C19orf38: variants seen among roughly 807,000 people sequenced by gnomAD.
The protein encoded by C19orf38 is chromosome 19 open reading frame 38, also known as protein HIDE1.
Under a neutral mutation model 26.6 loss-of-function variants are expected in C19orf38, and 14 were observed. The ratio of observed to expected loss-of-function variants is 0.53; its 90% CI spans 0.35 to 0.82. The LOEUF (loss-of-function observed/expected upper bound fraction) is 0.82, where lower values mean the gene tolerates loss of function less well. Among genes scored for constraint, C19orf38 ranks in the 40% least tolerant of loss-of-function variants. The pLI is 0.01. For missense variants in C19orf38, 261 were observed against 299.5 expected, an observed-to-expected ratio of 0.87 and a Z score of 0.95; for synonymous variants, 132 against 128.5, an observed-to-expected ratio of 1.03 and a Z score of -0.18.
intron 6 of C19orf38, among the ~76,000 whole-genome samples, chr19:10,866,609 C>T (rs1185143594): frequency 6.6e-6 from 1 of 151,896 alleles, no homozygotes; most frequent in African/African-American, 2.4e-5. Flanking sequence ...TCTCAGCTTC[C>T]CGAGTAGCTT....
At chr19:10,859,342 GTGTGTGTATATATATATATATATA>G (rs2073668014) in intron 4 of C19orf38, among the ~76,000 whole-genome samples, 1 of 52,950 alleles carries the variant, frequency 1.9e-5, no homozygotes, top group South Asian at 6.4e-4. Flanking sequence ...GTGTGTGTGT[GTGTGTGTATATATATATATATATA>G]TATATATATA....
chr19:10,863,913 AAAAC>A (rs537664952), intron 6 of C19orf38, among the ~76,000 whole-genome samples: 21 of 152,188 alleles, frequency 1.4e-4, no homozygotes, highest in Non-Finnish European at 2.6e-4. Flanking sequence ...AACTCCATCT[AAAAC>A]AAACAAACAG....
chr19:10,863,152 T>C lies in C19orf38; in HGVS notation c.506-18T>C. 6.4e-7 allele frequency: 1 copy of C among 1,550,900 alleles called. No individual in the cohort carries two copies. Among genetic ancestry groups the C allele is most frequent in the Non-Finnish European group, 8.7e-7 (1 of 1,146,336 alleles). On this transcript the variant is annotated intron_variant, in intron 5 of 6. Transcript: ENST00000397820. Reference sequence around the variant, plus strand: ...AACTGGCCCCCAATCCTGGGTTTTCTTTCTCTTTCTGTTTCAGACATGTCC... The same window carrying C: ...AACTGGCCCCCAATCCTGGGTTTTCCTTCTCTTTCTGTTTCAGACATGTCC...
chr19:10,850,589 T>A, intron 2 of C19orf38, 22 bp downstream of exon 2: 1 of 1,550,196 alleles, frequency 6.5e-7, no homozygotes. Flanking sequence ...CTATGGGATC[T>A]CACTGCCGGG....
chr19:10,853,214 C>T (rs2073590686), intron 2 of C19orf38, among the ~76,000 whole-genome samples: 1 of 151,918 alleles, frequency 6.6e-6, no homozygotes, highest in Non-Finnish European at 1.5e-5. Flanking sequence ...AGCCGTGCAC[C>T]ACCACGCCTG....
intron 6 of C19orf38, among the ~76,000 whole-genome samples, chr19:10,867,340 C>T (rs531713839): frequency 1.4e-3 from 206 of 151,316 alleles, no homozygotes; most frequent in African/African-American, 4.7e-3. Flanking sequence ...CACGGTAGCA[C>T]ATGCCTATAA....
At position 10,859,929 on chromosome 19, in the gene C19orf38, G is replaced by C. The variant is rs2073679190; in HGVS notation, c.476G>C (p.Cys159Ser). ...NLQKKRDRES[C>S]WAQINFDSTD... ...TTCCTTTGCAGAGATCGAGAATCCT[G>C]CTGGGCCCAGATTAACTTCGACAGC... Residue 159 changes from cysteine to serine, a missense_variant, in exon 5 of 7, where the codon TGC becomes TCC. Physicochemically the swap from Cys to Ser is moderately radical, Grantham distance 112. Transcript: ENST00000397820. 1.3e-6 allele frequency: 2 copies of C among 1,551,922 alleles called. No homozygotes were observed. Among genetic ancestry groups the C allele is most frequent in the Admixed American group, 2.0e-5 (1 of 50,988 alleles).
rs1313644922 is a variant in C19orf38 at position 10,856,345 on chromosome 19, G to A, written c.421G>A (p.Val141Met). ...TGCTGGGCTGGTGGCTGTTGCCCTG[G>A]TGGTCAGAAAAGGTAACAGCACGCA... ...LLAGLVAVAL[V>M]VRKVKLRNLQ... Residue 141 changes from valine to methionine, a missense_variant, in exon 3 of 7, where the codon GTG becomes ATG. Transcript: ENST00000397820. 2.6e-6 allele frequency: 4 copies of A among 1,551,116 alleles called. No homozygotes were observed. Among genetic ancestry groups the A allele is most frequent in the Admixed American group, 3.9e-5 (2 of 50,978 alleles).
At chr19:10,860,210 T>G (rs967687148) in intron 5 of C19orf38, 1 of 458,006 alleles carries the variant, frequency 2.2e-6, no homozygotes, top group Non-Finnish European at 4.0e-6. Context: ...GGACCCCAGG[T>G]CCGACCATTC....
At chr19:10,866,856 G>C (rs1017986530) in intron 6 of C19orf38, among the ~76,000 whole-genome samples, 2 of 151,950 alleles carry the variant, frequency 1.3e-5, no homozygotes, top group Non-Finnish European at 2.9e-5. Flanking sequence ...GGCCTGGCTC[G>C]TCTTGAACTC....
intron 4 of C19orf38, among the ~76,000 whole-genome samples, chr19:10,859,484 G>A (rs1402289055): frequency 6.7e-6 from 1 of 149,280 alleles, no homozygotes; most frequent in Non-Finnish European, 1.5e-5. Flanking sequence ...CTGGGTTCAA[G>A]CGATTCTCCT....
chr19:10,857,339 CATATATATAT>C lies in C19orf38; in HGVS notation c.434-958_434-949del, dbSNP rs1215628613. 9.3e-4 allele frequency among the ~76,000 whole-genome samples: 50 copies of C among 54,014 alleles called. 3 individuals are homozygous for C. Among genetic ancestry groups the C allele is most frequent in the African/African-American group, 2.2e-4 (2 of 9,226 alleles). 35.4% of individuals were successfully genotyped at this position (54,014 alleles called of 152,430 possible). On this transcript the variant is annotated intron_variant, in intron 3 of 6. Transcript: ENST00000397820. The stretch of plus-strand genomic sequence containing the variant: ...ATATACATACACACACACACACATA[CATATATATAT>C]ATATATATATATATATATTTTTTTT...
intron 1 of C19orf38, among the ~76,000 whole-genome samples, chr19:10,839,460 C>G (rs538554339): frequency 6.6e-6 from 1 of 152,310 alleles, no homozygotes; most frequent in South Asian, 2.1e-4. Context: ...TTTGCCCTCA[C>G]TGCCTGCCTA....
At chr19:10,858,435 G>A in intron 4 of C19orf38, 92 bp downstream of exon 4, 1 of 1,254,994 alleles carries the variant, frequency 8.0e-7, no homozygotes, top group Non-Finnish European at 1.1e-6. Context: ...CCCACAAACA[G>A]CGCCTCCTGG....
chr19:10,859,849 C>T (rs1421508178), intron 4 of C19orf38, 66 bp from the exon 5 acceptor site: 10 of 1,465,786 alleles, frequency 6.8e-6, no homozygotes, highest in South Asian at 1.2e-5. Context: ...AGGGCTTTCC[C>T]GATCAAGCCT....
intron 4 of C19orf38, among the ~76,000 whole-genome samples, chr19:10,859,268 G>GTGTGTGTGTA (rs2073664680): frequency 1.4e-5 from 2 of 138,972 alleles, no homozygotes; most frequent in African/African-American, 5.4e-5. Flanking sequence ...GTGTGTGTGT[G>GTGTGTGTGTA]TGTGTGTGTG....
chr19:10,869,439 G>C lies in C19orf38; in HGVS notation c.*72G>C. On this transcript the variant is annotated 3_prime_UTR_variant, in exon 7 of 7. Coordinates refer to ENST00000397820, the MANE Select transcript of C19orf38 (RefSeq NM_001136482.3). Reference sequence around the variant, plus strand: ...GAGGTCCCTCCAGCTACTTCTGGGGGGGCTCTGTCAGCCACTTTCTCAGGG... The same window carrying C: ...GAGGTCCCTCCAGCTACTTCTGGGGCGGCTCTGTCAGCCACTTTCTCAGGG... 1 of 1,463,222 alleles carries C rather than the reference G, an allele frequency of 6.8e-7. No individual in the cohort carries two copies. The allele number at this position is 1,463,222 out of a possible 1,614,324, so 90.6% of individuals were successfully genotyped here. A position where few individuals can be genotyped will look rare whatever the true frequency, so the allele number is the denominator to read the frequency against.
chr19:10,850,605 A>G, intron 2 of C19orf38, 38 bp downstream of exon 2: 2 of 1,544,242 alleles, frequency 1.3e-6, no homozygotes, highest in Non-Finnish European at 8.7e-7. Context: ...CCGGGGGCTT[A>G]ATTTTCTCAC....
At chr19:10,852,448 G>A (rs1020428746) in intron 2 of C19orf38, among the ~76,000 whole-genome samples, 2 of 152,238 alleles carry the variant, frequency 1.3e-5, no homozygotes, top group Non-Finnish European at 2.9e-5. Flanking sequence ...GTCATTATTT[G>A]AAGTAGAGTA....
Sources: allele counts gnomAD v4.1 joint callset (sites outside exome capture counted in the v4.1 genomes callset), GRCh38; gene constraint gnomAD v4.1.1; transcripts MANE v1.5; gene names NCBI Gene and HGNC (gene_info 2026-07-23, HGNC 2026-07-21).